The following PARN variants were observed in gnomAD, a reference collection of about 807,000 sequenced individuals.
PARN encodes poly(A)-specific ribonuclease PARN.
In PARN, 71 loss-of-function variants were observed where a neutral mutation model predicts 102.8. That is an observed-to-expected ratio of 0.69 (90% CI 0.57 to 0.84). The LOEUF (loss-of-function observed/expected upper bound fraction) is 0.84. Ranked by LOEUF, PARN falls within the 40% of genes least tolerant of loss-of-function variation. The pLI is 0.00. For synonymous variants in PARN, 261 were observed against 252.9 expected (o/e 1.03, Z -0.30); for missense variants, 782 against 760.9 (o/e 1.03, Z -0.33).
chr16:14,612,634 G>T (rs925730433), intron 6 of PARN, among the ~76,000 whole-genome samples: 1 of 151,078 alleles, frequency 6.6e-6, no homozygotes, highest in Non-Finnish European at 1.5e-5. Flanking sequence ...GTCTTGCTCT[G>T]TCACCCAGGC....
At chr16:14,617,506 T>C (rs1327812799) in intron 6 of PARN, 84 bp downstream of exon 6, 7 of 770,218 alleles carry the variant, frequency 9.1e-6, no homozygotes, top group Admixed American at 1.9e-5. Flanking sequence ...CACAAAATAA[T>C]AATTCTCAAC....
chr16:14,548,292 C>T (rs1374774761), intron 21 of PARN, among the ~76,000 whole-genome samples: 1 of 151,388 alleles, frequency 6.6e-6, no homozygotes, highest in Non-Finnish European at 1.5e-5. Flanking sequence ...ATCAGATACC[C>T]TGGGTCCTTC....
At chr16:14,612,872 C>G (rs1971602554) in intron 6 of PARN, among the ~76,000 whole-genome samples, 1 of 151,898 alleles carries the variant, frequency 6.6e-6, no homozygotes, top group South Asian at 2.1e-4. Context: ...GCTGAGATTA[C>G]AGGCGTGAGC....
intron 21 of PARN, among the ~76,000 whole-genome samples, chr16:14,524,316 C>A (rs1419906941): frequency 6.6e-6 from 1 of 152,106 alleles, no homozygotes; most frequent in Admixed American, 6.5e-5. Flanking sequence ...TGCCATCATA[C>A]CCTTGGTCCA....
chr16:14,492,580 C>A (rs1382473981), intron 21 of PARN, among the ~76,000 whole-genome samples: 2 of 152,158 alleles, frequency 1.3e-5, no homozygotes, highest in African/African-American at 4.8e-5. Context: ...TAGAGCAAGT[C>A]AGGCCCTCTA....
chr16:14,443,465 C>T (rs1961042130), intron 23 of PARN, among the ~76,000 whole-genome samples: 1 of 152,022 alleles, frequency 6.6e-6, no homozygotes, highest in South Asian at 2.1e-4. Flanking sequence ...CTCAGCCTCC[C>T]AAGTAGCTGG....
intron 23 of PARN, among the ~76,000 whole-genome samples, chr16:14,440,761 A>C (rs1430357651): frequency 2.0e-5 from 3 of 152,222 alleles, no homozygotes; most frequent in Non-Finnish European, 4.4e-5. Context: ...TCAAAAGGCT[A>C]ACTATCGCAT....
In PARN at chr16:14,627,173, G is replaced by T; in HGVS notation, c.260C>A (p.Ser87Ter). ...TTTCGGGAAAACATAGAAGTTAAAT[G>T]ACTTCGTTATATACCTGGGATAAGA... ...DYTDSKYITK[S>*]FNFYVFPKPF... Residue 87 changes from serine to a stop codon, truncating the protein, a stop_gained, in exon 5 of 24, where the codon TCA becomes TAA. Coordinates refer to ENST00000437198, the MANE Select transcript of PARN (RefSeq NM_002582.4). LOFTEE classifies it high-confidence loss of function. 6.2e-7 allele frequency: 1 copy of T among 1,600,278 alleles called. No individual in the cohort carries two copies. Among genetic ancestry groups the T allele is most frequent in the Non-Finnish European group, 8.6e-7 (1 of 1,169,458 alleles).
intron 22 of PARN, among the ~76,000 whole-genome samples, chr16:14,452,982 G>A (rs974410550): frequency 9.9e-5 from 15 of 152,156 alleles, no homozygotes; most frequent in East Asian, 3.8e-4. Context: ...ATGTGCATGC[G>A]TGTGTGTAGC....
intron 21 of PARN, among the ~76,000 whole-genome samples, chr16:14,500,751 A>C (rs1964544466): frequency 6.6e-6 from 1 of 152,198 alleles, no homozygotes; most frequent in African/African-American, 2.4e-5. Flanking sequence ...TGGAGGAAAA[A>C]AAAAGTACCT....
intron 12 of PARN, among the ~76,000 whole-genome samples, chr16:14,598,495 A>C (rs534464635): frequency 2.0e-5 from 3 of 152,170 alleles, no homozygotes; most frequent in Non-Finnish European, 2.9e-5. Flanking sequence ...GGCCCGCCTC[A>C]ATCAAAACCA....
Position 14,609,089 on chromosome 16 carries a change from T to C in PARN, c.589A>G (p.Asn197Asp). 2 of 1,570,470 alleles carry C rather than the reference T, an allele frequency of 1.3e-6. No individual in the cohort carries two copies. Among genetic ancestry groups the C allele is most frequent in the Non-Finnish European group, 1.7e-6 (2 of 1,146,888 alleles). The change falls in exon 8 of 24, where the codon AAC becomes GAC. Residue 197 changes from asparagine to aspartate, a missense_variant. Transcript: ENST00000437198. ...KIEDLLQSEE[N>D]KNLDLEPCTG... Reference sequence around the variant, plus strand: ...CATGGCTCTAAATCCAAGTTCTTGTTTTCTTCACTTTGTAATAAATCCTCT... The same window carrying C: ...CATGGCTCTAAATCCAAGTTCTTGTCTTCTTCACTTTGTAATAAATCCTCT...
intron 21 of PARN, among the ~76,000 whole-genome samples, chr16:14,532,624 C>T (rs927695379): frequency 4.7e-4 from 72 of 152,028 alleles, no homozygotes; most frequent in Non-Finnish European, 7.4e-5. Flanking sequence ...CCTTTCCCCC[C>T]TTTCTACTCC....
intron 5 of PARN, among the ~76,000 whole-genome samples, chr16:14,624,557 G>A (rs889930124): frequency 6.6e-6 from 1 of 152,182 alleles, no homozygotes; most frequent in African/African-American, 2.4e-5. Flanking sequence ...TGTACAATGG[G>A]TGAAGTTCCT....
chr16:14,453,585 G>C (rs771314345), intron 22 of PARN, among the ~76,000 whole-genome samples: 1 of 152,132 alleles, frequency 6.6e-6, no homozygotes, highest in Admixed American at 6.6e-5. Context: ...AAGATTCCTC[G>C]TGTCACTCTG....
intron 20 of PARN, among the ~76,000 whole-genome samples, chr16:14,553,559 A>T (rs1967463878): frequency 6.6e-6 from 1 of 152,216 alleles, no homozygotes; most frequent in South Asian, 2.1e-4. Flanking sequence ...TTACAATCAG[A>T]ATGGTCTTCA....
chr16:14,488,989 A>G (rs1419193735), intron 21 of PARN, among the ~76,000 whole-genome samples: 1 of 152,230 alleles, frequency 6.6e-6, no homozygotes, highest in Non-Finnish European at 1.5e-5. Flanking sequence ...ATTGTCTAAG[A>G]GAAAATATGA....
chr16:14,525,848 G>A (rs1965968128), intron 21 of PARN, among the ~76,000 whole-genome samples: 1 of 152,100 alleles, frequency 6.6e-6, no homozygotes, highest in African/African-American at 2.4e-5. Context: ...TCTTTTCTTT[G>A]AGATGGAGCC....
chr16:14,546,026 A>G (rs1203087101), intron 21 of PARN, among the ~76,000 whole-genome samples: 1 of 152,212 alleles, frequency 6.6e-6, no homozygotes, highest in African/African-American at 2.4e-5. Context: ...AACACAGCCA[A>G]AAGCGTTCTT....
Sources: allele counts gnomAD v4.1 joint callset (sites outside exome capture counted in the v4.1 genomes callset), GRCh38; gene constraint gnomAD v4.1.1; transcripts MANE v1.5; gene names NCBI Gene and HGNC (gene_info 2026-07-23, HGNC 2026-07-21).